The following LMO7 variants were observed in gnomAD, a reference collection of about 807,000 sequenced individuals.
LMO7 encodes the protein LIM domain only protein 7.
LMO7 carries 120 observed loss-of-function variants against 206.5 expected under a neutral mutation model. The observed-to-expected ratio is 0.58, with a 90% CI of 0.50 to 0.68. The LOEUF is 0.68. Among genes scored for constraint, LMO7 ranks in the 30% least tolerant of loss-of-function variants. LMO7 has a pLI of 0.00. For synonymous variants in LMO7, 706 were observed against 681.5 expected (o/e 1.04, Z -0.56); for missense variants, 1,959 against 1,957.9 (o/e 1.00, Z -0.01).
chr13:75,757,823 TG>T (rs2047803278), intron 3 of LMO7, among the ~76,000 whole-genome samples: 1 of 103,368 alleles, frequency 9.7e-6, no homozygotes, highest in African/African-American at 4.3e-5. Flanking sequence ...TGTGTGTGTG[TG>T]TGTGTGTGTG....
chr13:75,656,753 T>A lies in LMO7; in HGVS notation c.69+20027T>A, dbSNP rs553893888. ...TCAATTCAGTTGGCTATGTAAAAGC[T>A]CAGCTCAGGACTGGCATACAGTCAT... On this transcript the variant is annotated intron_variant, in intron 1 of 30. Transcript: ENST00000377534. 6.6e-5 allele frequency among the ~76,000 whole-genome samples: 10 copies of A among 152,280 alleles called. No individual in the cohort carries two copies. The South Asian group carries it at 1.9e-3, about 28-fold the overall frequency.
chr13:75,808,252 CTT>C, intron 10 of LMO7, 53 bp downstream of exon 10: 1 of 1,512,838 alleles, frequency 6.6e-7, no homozygotes, highest in Non-Finnish European at 8.8e-7. Flanking sequence ...TCTTGTGTAA[CTT>C]TTCTCATGCG....
In LMO7 at chr13:75,808,137, G is replaced by C; in HGVS notation, c.1854G>C (p.Lys618Asn). The C allele has an allele frequency of 6.2e-7, 1 of 1,613,896 alleles. No homozygotes were observed. The highest frequency in any genetic ancestry group is 8.5e-7 in the Non-Finnish European group (1 of 1,179,848). ...GCCCCTGCAGTGAGGCTGACTTGAA[G>C]AGATGGGAGGCCATCCGGGAGGCCA... ...TPGPCSEADL[K>N]RWEAIREASR... is the part of the protein sequence containing the mutation. Residue 618 changes from lysine (K) to asparagine (N), a missense_variant, in exon 10 of 31, where the codon AAG becomes AAC. Coordinates refer to ENST00000377534, the MANE Select transcript of LMO7 (RefSeq NM_001306080.2).
chr13:75,807,788 G>T lies in LMO7; in HGVS notation c.1505G>T (p.Cys502Phe), dbSNP rs369620389. 1.1e-5 allele frequency: 18 copies of T among 1,613,760 alleles called. No homozygotes were observed. Among genetic ancestry groups the T allele is most frequent in the African/African-American group, 1.3e-5 (1 of 74,916 alleles). Residue 502 changes from cysteine to phenylalanine, a missense_variant, in exon 10 of 31, where the codon TGT becomes TTT. Coordinates refer to ENST00000377534, the MANE Select transcript of LMO7 (RefSeq NM_001306080.2). ...GTAGAGCGAGATATAATTTTACAGT[G>T]TAGAGAAGGTGAACTTGTACTTCCG... is the stretch of plus-strand genomic sequence containing the variant. ...DSVERDIILQ[C>F]REGELVLPDL...
intron 7 of LMO7, among the ~76,000 whole-genome samples, chr13:75,802,060 AC>A (rs2140949501): frequency 1.3e-5 from 2 of 152,254 alleles, no homozygotes; most frequent in African/African-American, 4.8e-5. Context: ...TGTCCTAAAT[AC>A]TTCAGTATGA....
At chr13:75,645,281 A>G (rs575724489) in intron 1 of LMO7, among the ~76,000 whole-genome samples, 7 of 152,306 alleles carry the variant, frequency 4.6e-5, no homozygotes, top group African/African-American at 1.7e-4. Context: ...GACCCTGATA[A>G]AATTTTTTTG....
At chr13:75,808,581 T>TG (rs1302356713) in intron 10 of LMO7, among the ~76,000 whole-genome samples, 10 of 152,236 alleles carry the variant, frequency 6.6e-5, no homozygotes, top group Admixed American at 6.5e-5. Flanking sequence ...CTGATTTTTT[T>TG]GGGGGGGTGA....
chr13:75,731,858 G>A (rs1330194492), intron 3 of LMO7, among the ~76,000 whole-genome samples: 33 of 151,844 alleles, frequency 2.2e-4, no homozygotes, highest in Admixed American at 2.2e-3. Flanking sequence ...TTGCTTGTCT[G>A]TAAAGTATTT....
rs773027687 is a variant in LMO7 at position 75,713,225 on chromosome 13, C to G, written c.113C>G (p.Ser38Cys). The G allele has an allele frequency of 6.2e-7, 1 of 1,611,438 alleles. No individual in the cohort carries two copies. Among genetic ancestry groups the G allele is most frequent in the Non-Finnish European group, 8.5e-7 (1 of 1,178,372 alleles). The change falls in exon 2 of 31, where the codon TCT (serine) becomes TGT (cysteine). Residue 38 changes from serine to cysteine, a missense_variant. Transcript: ENST00000377534. ...TTTGAAACAAAAGATTTTCGAGCCT[C>G]TCTAGAAAATGGTGTTCTGCTGTGT... ...KNFETKDFRA[S>C]LENGVLLCDL... is the part of the protein sequence containing the mutation.
In LMO7 at chr13:75,833,088, C is replaced by T. The variant is rs570013992; in HGVS notation, c.2987C>T (p.Thr996Met). The change falls in exon 16 of 31, where the codon ACG becomes ATG. Residue 996 changes from threonine to methionine, a missense_variant. Coordinates refer to ENST00000377534, the MANE Select transcript of LMO7 (RefSeq NM_001306080.2). Reference protein sequence around the residue: ...FSDMRISINQTPGKSLDFGFT... With the variant: ...FSDMRISINQMPGKSLDFGFT... ...GATATGAGAATCAGCATAAACCAGA[C>T]GCCTGGGAAGAGTCTTGACTTTGGG... is the stretch of plus-strand genomic sequence containing the variant. 5.3e-5 allele frequency: 86 copies of T among 1,610,940 alleles called. 1 individual carries two copies. In the South Asian group the frequency reaches 7.5e-4, roughly 14 times the overall value.
rs760793490 is a variant in LMO7, at chr13:75,842,852, C to T, written c.4033C>T (p.Pro1345Ser). ...ACAAAATCTTTTTCTATCTTTTAGG[C>T]CTGTTGATTCCTATGATATACCAAA... ...TSVRIYQYRR[P>S]VDSYDIPKTE... Residue 1345 changes from proline (P) to serine (S), a missense_variant and splice_region_variant, in exon 25 of 31, where the codon CCT (proline) becomes TCT (serine). Transcript: ENST00000377534. The T allele has an allele frequency of 5.0e-6, 8 of 1,595,450 alleles. No homozygotes were observed. Among genetic ancestry groups the T allele is most frequent in the Non-Finnish European group, 6.9e-6 (8 of 1,163,854 alleles).
At chr13:75,703,732 G>A (rs2137942387) in intron 1 of LMO7, among the ~76,000 whole-genome samples, 1 of 149,924 alleles carries the variant, frequency 6.7e-6, no homozygotes, top group East Asian at 1.9e-4. Context: ...GTGTGTGTGT[G>A]TGTGTGTGCA....
At position 75,691,893 on chromosome 13, in the gene LMO7, G is replaced by A. The variant is rs187566058; in HGVS notation, c.70-21289G>A. On this transcript the variant is annotated intron_variant, in intron 1 of 30. Transcript: ENST00000377534. ...TGCCATCCTGCTGGGTGAACACAGT[G>A]CAGACCTGGAGGGCCTGCTGAGTTC... is the stretch of plus-strand genomic sequence containing the variant. 1.2e-3 allele frequency among the ~76,000 whole-genome samples: 179 copies of A among 152,144 alleles called. 1 individual carries two copies. Among genetic ancestry groups the A allele is most frequent in the African/African-American group, 4.1e-3 (170 of 41,520 alleles).
intron 7 of LMO7, among the ~76,000 whole-genome samples, chr13:75,802,771 G>C (rs1028987195): frequency 3.9e-5 from 6 of 152,154 alleles, no homozygotes; most frequent in Non-Finnish European, 8.8e-5. Context: ...GGCCGATAAA[G>C]CTCTTTTGTG....
At chr13:75,847,344 A>T (rs1332415666) in intron 26 of LMO7, among the ~76,000 whole-genome samples, 1 of 152,238 alleles carries the variant, frequency 6.6e-6, no homozygotes, top group East Asian at 1.9e-4. Flanking sequence ...CCTCACGATA[A>T]AACCTGACTT....
intron 1 of LMO7, among the ~76,000 whole-genome samples, chr13:75,682,763 A>G (rs2040645957): frequency 6.6e-6 from 1 of 152,196 alleles, no homozygotes; most frequent in South Asian, 2.1e-4. Flanking sequence ...TTGACTCCTT[A>G]AAAGCAACGC....
chr13:75,690,307 G>T lies in LMO7; in HGVS notation c.70-22875G>T, dbSNP rs1566313343. ...ATCACAGTGATCTTTTTCCTCAAAG[G>T]TGGTCCAGGCTGGGGGGTCTTCTCT... On this transcript the variant is annotated intron_variant, in intron 1 of 30. Coordinates refer to ENST00000377534, the MANE Select transcript of LMO7 (RefSeq NM_001306080.2). 3.3e-5 allele frequency among the ~76,000 whole-genome samples: 5 copies of T among 151,998 alleles called. No individual in the cohort carries two copies. The South Asian group carries it at 1.0e-3, about 32-fold the overall frequency.
intron 1 of LMO7, among the ~76,000 whole-genome samples, chr13:75,669,371 C>G (rs890117357): frequency 6.8e-6 from 1 of 147,980 alleles, no homozygotes; most frequent in African/African-American, 2.7e-5. Context: ...AGAAAAGTGA[C>G]CCCCCCGCCG....
intron 10 of LMO7, 110 bp downstream of exon 10, chr13:75,808,309 AT>A: frequency 8.2e-7 from 1 of 1,225,628 alleles, no homozygotes; most frequent in Non-Finnish European, 1.1e-6. Flanking sequence ...GTCGCGTGCC[AT>A]TTTGAAGCAT....
Sources: allele counts gnomAD v4.1 joint callset (sites outside exome capture counted in the v4.1 genomes callset), GRCh38; gene constraint gnomAD v4.1.1; transcripts MANE v1.5; gene names NCBI Gene and HGNC (gene_info 2026-07-23, HGNC 2026-07-21).